The following SLC35D1 variants were observed in gnomAD, a reference collection of about 807,000 sequenced individuals.
SLC35D1 encodes solute carrier family 35 member D1.
SLC35D1 carries 31 observed loss-of-function variants against 46.7 expected under a neutral mutation model. The observed-to-expected ratio is 0.66, with a 90% CI of 0.50 to 0.90. The LOEUF (loss-of-function observed/expected upper bound fraction) is 0.90, where lower values mean the gene tolerates loss of function less well. Ranked by LOEUF, SLC35D1 falls within the 40% of genes least tolerant of loss-of-function variation. The probability of loss-of-function intolerance (pLI) is 0.00; values close to 1 mark genes in which losing one functional copy is unlikely to be tolerated. For missense variants in SLC35D1, 397 were observed against 426.2 expected (o/e 0.93, Z 0.60); for synonymous variants, 195 against 164.6 (o/e 1.18, Z -1.41).
At chr1:67,053,155 TTG>T (rs1645329115) in intron 1 of SLC35D1, among the ~76,000 whole-genome samples, 166 bp from the exon 2 acceptor site, 1 of 152,158 alleles carries the variant, frequency 6.6e-6, no homozygotes, top group Non-Finnish European at 1.5e-5. Context: ...TGCCTGTTGG[TTG>T]TCAGTCCACC....
chr1:67,014,310 A>G (rs1667633795), intron 10 of SLC35D1, among the ~76,000 whole-genome samples: 1 of 152,124 alleles, frequency 6.6e-6, no homozygotes, highest in Non-Finnish European at 1.5e-5. Flanking sequence ...TTACTACCCT[A>G]TTTTCTCTAA....
At chr1:67,049,704 T>C in intron 6 of SLC35D1, 78 bp downstream of exon 6, 1 of 1,278,682 alleles carries the variant, frequency 7.8e-7, no homozygotes, top group South Asian at 1.3e-5. Context: ...CAATAAAAAA[T>C]TGTTATTGAT....
chr1:67,034,205 T>A (rs1057111087), intron 8 of SLC35D1, among the ~76,000 whole-genome samples: 1 of 152,224 alleles, frequency 6.6e-6, no homozygotes, highest in Non-Finnish European at 1.5e-5. Flanking sequence ...AATTTTAGGA[T>A]ATTTTTTTCT....
rs1386148269 is a variant in SLC35D1 at position 67,002,159 on chromosome 1, A to G, written c.*2181T>C. On this transcript the variant is annotated 3_prime_UTR_variant, in exon 12 of 12. Coordinates refer to ENST00000235345, the MANE Select transcript of SLC35D1 (RefSeq NM_015139.3). The stretch of plus-strand genomic sequence containing the variant: ...AGAATCACTAAAAATAGCTCTCACT[A>G]TGCCCTTTCACTGTACCTAAGCAAA... 6.6e-6 allele frequency: 1 copy of G among 152,366 alleles called. No individual in the cohort carries two copies. Among genetic ancestry groups the G allele is most frequent in the Non-Finnish European group, 1.5e-5 (1 of 68,044 alleles). 9.4% of individuals were successfully genotyped at this position (152,366 alleles called of 1,614,324 possible). A position where few individuals can be genotyped will look rare whatever the true frequency, so the allele number is the denominator to read the frequency against.
chr1:67,007,679 G>A (rs559047429), intron 11 of SLC35D1, among the ~76,000 whole-genome samples: 20 of 152,326 alleles, frequency 1.3e-4, no homozygotes, highest in African/African-American at 4.8e-4. Context: ...GCAGTGATGA[G>A]TAAACGCTTT....
Position 67,049,864 on chromosome 1 carries a change from A to T in SLC35D1, c.465-14T>A. On this transcript the variant is annotated splice_polypyrimidine_tract_variant and intron_variant, in intron 5 of 11. Coordinates refer to ENST00000235345, the MANE Select transcript of SLC35D1 (RefSeq NM_015139.3). Reference sequence around the variant, plus strand: ...GAAAAAGTCTTCCTACAAAACAAAAAATTTTAAAATACACACATGACTTTA... The same window carrying T: ...GAAAAAGTCTTCCTACAAAACAAAATATTTTAAAATACACACATGACTTTA... The T allele has an allele frequency of 6.3e-7, 1 of 1,590,006 alleles. No individual in the cohort carries two copies. The highest frequency in any genetic ancestry group is 1.7e-4 in the Middle Eastern group (1 of 6,010).
the SLC35D1 span, chr1:66,986,366 T>A: frequency 6.3e-7 from 1 of 1,598,816 alleles, no homozygotes; most frequent in Non-Finnish European, 8.5e-7. Context: ...ATCCAAACTT[T>A]TATAAAATAT....
the SLC35D1 span, chr1:66,976,763 G>T: frequency 6.9e-7 from 1 of 1,455,124 alleles, no homozygotes; most frequent in Non-Finnish European, 9.1e-7. Context: ...ATACATTTTT[G>T]CTAAGCTTTT....
At chr1:67,023,652 A>T (rs1223069994) in intron 8 of SLC35D1, among the ~76,000 whole-genome samples, 1 of 151,552 alleles carries the variant, frequency 6.6e-6, no homozygotes, top group Admixed American at 6.6e-5. Context: ...CACCCGGCTA[A>T]TTTTTGTATT....
Position 67,020,260 on chromosome 1 carries a change from T to G in SLC35D1, c.876+109A>C, listed in dbSNP as rs1667769700. On this transcript the variant is annotated intron_variant, in intron 10 of 11. Coordinates refer to ENST00000235345, the MANE Select transcript of SLC35D1 (RefSeq NM_015139.3). ...CACAATTTGTCAAACTAAGACAGTA[T>G]GTGAGGAAATAACGATTTGGGTCTT... 3 of 741,008 alleles carry G rather than the reference T, an allele frequency of 4.0e-6. No homozygotes were observed. In the Admixed American group the frequency reaches 5.5e-5, roughly 14 times the overall value. 45.9% of individuals were successfully genotyped at this position (741,008 alleles called of 1,614,324 possible). A position where few individuals can be genotyped will look rare whatever the true frequency, so the allele number is the denominator to read the frequency against.
downstream of SLC35D1, among the ~76,000 whole-genome samples, chr1:66,997,547 A>G (rs1667253685): frequency 8.2e-6 from 1 of 121,768 alleles, no homozygotes. Context: ...TAACCCCTTT[A>G]GATATAGATA....
At chr1:66,982,947 C>A in the SLC35D1 span, among the ~76,000 whole-genome samples, 1 of 152,194 alleles carries the variant, frequency 6.6e-6, no homozygotes, top group African/African-American at 2.4e-5. Context: ...TGGGACTAAC[C>A]GTATAGGCTC....
chr1:67,021,613 C>T lies in SLC35D1; in HGVS notation c.730-11G>A. On this transcript the variant is annotated splice_polypyrimidine_tract_variant and intron_variant, in intron 8 of 11. Coordinates refer to ENST00000235345, the MANE Select transcript of SLC35D1 (RefSeq NM_015139.3). The stretch of plus-strand genomic sequence containing the variant: ...TTCAAACTCCACAGCCTGCAACACA[C>T]AAGAAAGCATTAAATTTTAGACCAG... 1.9e-6 allele frequency: 3 copies of T among 1,613,220 alleles called. No individual in the cohort carries two copies. The highest frequency in any genetic ancestry group is 2.5e-6 in the Non-Finnish European group (3 of 1,179,478).
chr1:67,038,097 A>C (rs1668160730), intron 8 of SLC35D1, among the ~76,000 whole-genome samples: 1 of 152,220 alleles, frequency 6.6e-6, no homozygotes, highest in South Asian at 2.1e-4. Context: ...AGTTCTATTC[A>C]TTCATAACTA....
the SLC35D1 span, among the ~76,000 whole-genome samples, chr1:66,973,831 G>A: frequency 1.3e-5 from 2 of 151,974 alleles, no homozygotes; most frequent in African/African-American, 4.8e-5. Flanking sequence ...AAGGGTATTG[G>A]TTTATGTAAT....
At chr1:67,048,287 A>T (rs1645271502) in intron 6 of SLC35D1, among the ~76,000 whole-genome samples, 1 of 152,252 alleles carries the variant, frequency 6.6e-6, no homozygotes, top group South Asian at 2.1e-4. Flanking sequence ...TGGTCCAGAC[A>T]GTAATCCTTT....
intron 10 of SLC35D1, among the ~76,000 whole-genome samples, chr1:67,019,847 G>A (rs1054893606): frequency 1.3e-5 from 2 of 152,206 alleles, no homozygotes; most frequent in African/African-American, 2.4e-5. Flanking sequence ...TCTCCTGGCT[G>A]AAGACAAATT....
chr1:67,028,552 C>A (rs1266226350), intron 8 of SLC35D1, among the ~76,000 whole-genome samples: 1 of 152,144 alleles, frequency 6.6e-6, no homozygotes, highest in Admixed American at 6.6e-5. Context: ...CCATTATATC[C>A]TTTTGAGGAA....
At chr1:67,020,057 G>A (rs1570617661) in intron 10 of SLC35D1, among the ~76,000 whole-genome samples, 1 of 152,168 alleles carries the variant, frequency 6.6e-6, no homozygotes, top group East Asian at 1.9e-4. Flanking sequence ...AGGGGTTAAA[G>A]GGACAGGCTT....
Sources: gnomAD v4.1 joint callset for allele counts (sites outside exome capture counted in the v4.1 genomes callset) on GRCh38, gnomAD v4.1.1 for gene constraint, MANE v1.5 for transcripts, NCBI Gene and HGNC (gene_info 2026-07-23, HGNC 2026-07-21) for gene names.